Variants in ACOXL observed in about 807,000 individuals in gnomAD.
The protein encoded by ACOXL is acyl-CoA oxidase like, also known as acyl-coenzyme A oxidase-like protein.
A neutral mutation model predicts 71.9 loss-of-function variants in ACOXL; 70 were observed. The observed-to-expected ratio is 0.97, with a 90% CI of 0.80 to 1.19. ACOXL has a LOEUF of 1.19. ACOXL is among the 50% of genes most tolerant of loss of function. The pLI is 0.00. For missense variants in ACOXL, 703 were observed against 736.3 expected (o/e 0.95, Z 0.52); for synonymous variants, 253 against 281.6 (o/e 0.90, Z 1.02).
At chr2:110,746,456 T>C (rs750111647) in intron 1 of ACOXL, among the ~76,000 whole-genome samples, 3 of 152,106 alleles carry the variant, frequency 2.0e-5, no homozygotes, top group Non-Finnish European at 4.4e-5. Context: ...GGAATCGCCA[T>C]GTCCACCTTC....
chr2:111,094,873 G>A (rs983867292), intron 17 of ACOXL, among the ~76,000 whole-genome samples: 4 of 152,066 alleles, frequency 2.6e-5, no homozygotes, highest in African/African-American at 7.2e-5. Context: ...AGGAACAGAC[G>A]GGTAATTGTC....
At chr2:110,822,727 C>A (rs1337929752) in intron 9 of ACOXL, among the ~76,000 whole-genome samples, 1 of 152,150 alleles carries the variant, frequency 6.6e-6, no homozygotes, top group Non-Finnish European at 1.5e-5. Context: ...TGGGTTTTGA[C>A]AAATGTGTAG....
intron 10 of ACOXL, among the ~76,000 whole-genome samples, chr2:110,858,241 A>G (rs1327326209): frequency 1.3e-5 from 2 of 152,134 alleles, no homozygotes; most frequent in Non-Finnish European, 2.9e-5. Context: ...CAGGAAATGG[A>G]GTTTTCTCCA....
At chr2:110,969,972 C>T (rs1036987427) in intron 12 of ACOXL, among the ~76,000 whole-genome samples, 2 of 151,922 alleles carry the variant, frequency 1.3e-5, no homozygotes, top group Non-Finnish European at 2.9e-5. Context: ...GAAACTGAAC[C>T]CTTAATAATA....
chr2:110,975,052 C>T (rs1386681041), intron 12 of ACOXL, among the ~76,000 whole-genome samples: 9 of 152,118 alleles, frequency 5.9e-5, no homozygotes, highest in Non-Finnish European at 1.0e-4. Context: ...ATGTGTGCTG[C>T]GTACCAGCGG....
At chr2:111,059,918 T>A (rs1486661308) in intron 16 of ACOXL, among the ~76,000 whole-genome samples, 1 of 133,852 alleles carries the variant, frequency 7.5e-6, no homozygotes, top group African/African-American at 2.9e-5. Flanking sequence ...GAAGAAAGAG[T>A]AGGAGAAAGA....
intron 14 of ACOXL, among the ~76,000 whole-genome samples, chr2:111,005,470 C>T (rs1354714859): frequency 3.9e-5 from 6 of 152,112 alleles, no homozygotes; most frequent in South Asian, 4.1e-4. Context: ...AAATGACTGC[C>T]GCCCACAGTT....
intron 3 of ACOXL, among the ~76,000 whole-genome samples, chr2:110,787,201 G>A (rs1684069337): frequency 2.0e-5 from 3 of 152,042 alleles, no homozygotes; most frequent in African/African-American, 7.2e-5. Context: ...GAGTATCCTA[G>A]AAGGAAATTG....
chr2:110,976,899 G>A (rs1342485496), intron 12 of ACOXL, among the ~76,000 whole-genome samples: 1 of 152,156 alleles, frequency 6.6e-6, no homozygotes, highest in Non-Finnish European at 1.5e-5. Context: ...ACTAAAGCAT[G>A]ACATGAGAAT....
At chr2:110,864,448 C>CA (rs1186058529) in intron 10 of ACOXL, among the ~76,000 whole-genome samples, 1 of 152,198 alleles carries the variant, frequency 6.6e-6, no homozygotes, top group Admixed American at 6.5e-5. Context: ...ACCAGAAACT[C>CA]AACCATCCAG....
rs76769182 is a variant in ACOXL, at chr2:111,038,901, A to G, written c.1369+7187A>G. Among the ~76,000 whole-genome samples, 674 of 152,330 alleles carry G rather than the reference A, an allele frequency of 4.4e-3. 8 individuals carry two copies. Among genetic ancestry groups the G allele is most frequent in the African/African-American group, 0.016 (646 of 41,560 alleles). ...AAAAACCAAAATGAACTATAGAAAA[A>G]AAACATAGAAAAAGCAACTGTCTGT... On this transcript the variant is annotated intron_variant, in intron 15 of 17. Coordinates refer to ENST00000439055, the MANE Select transcript of ACOXL (RefSeq NM_001142807.4).
At chr2:110,742,556 C>T (rs560784911) in intron 1 of ACOXL, among the ~76,000 whole-genome samples, 2 of 152,292 alleles carry the variant, frequency 1.3e-5, no homozygotes, top group South Asian at 2.1e-4. Context: ...TGGGGCCCTT[C>T]GTCACCACAC....
chr2:111,051,060 CTGTG>C (rs2066267456), intron 16 of ACOXL, among the ~76,000 whole-genome samples: 2 of 152,328 alleles, frequency 1.3e-5, no homozygotes, highest in South Asian at 4.1e-4. Flanking sequence ...TTTCTGCAGA[CTGTG>C]TGGCCTCAGC....
intron 14 of ACOXL, among the ~76,000 whole-genome samples, chr2:111,015,646 C>G (rs1365147908): frequency 6.6e-6 from 1 of 152,152 alleles, no homozygotes; most frequent in Non-Finnish European, 1.5e-5. Context: ...AAAATATATT[C>G]TCACAAAAAG....
At chr2:110,747,109 G>C (rs944062689) in intron 1 of ACOXL, among the ~76,000 whole-genome samples, 2 of 152,122 alleles carry the variant, frequency 1.3e-5, no homozygotes, top group Non-Finnish European at 2.9e-5. Flanking sequence ...ATGAGGAACT[G>C]GGGGAGGGAC....
intron 3 of ACOXL, among the ~76,000 whole-genome samples, chr2:110,785,092 C>T (rs1322223662): frequency 1.3e-5 from 2 of 152,006 alleles, no homozygotes; most frequent in African/African-American, 4.8e-5. Context: ...TATCATAATC[C>T]TTTGTGATTT....
intron 10 of ACOXL, among the ~76,000 whole-genome samples, chr2:110,903,461 G>A (rs1264032378): frequency 1.3e-5 from 2 of 152,218 alleles, no homozygotes; most frequent in African/African-American, 2.4e-5. Flanking sequence ...AGCACTCTGC[G>A]AGCCCGGCTT....
intron 1 of ACOXL, among the ~76,000 whole-genome samples, chr2:110,750,030 A>G (rs971822322): frequency 5.3e-5 from 8 of 152,334 alleles, no homozygotes; most frequent in Admixed American, 1.3e-4. Flanking sequence ...TGAGCATCAC[A>G]TCGTATTAGT....
intron 12 of ACOXL, among the ~76,000 whole-genome samples, chr2:110,936,268 GTTA>G (rs897132404): frequency 2.0e-5 from 3 of 151,840 alleles, no homozygotes; most frequent in Non-Finnish European, 2.9e-5. Flanking sequence ...TACCCGCACT[GTTA>G]TTATTATTAT....
Sources: allele counts gnomAD v4.1 joint callset (sites outside exome capture counted in the v4.1 genomes callset), GRCh38; gene constraint gnomAD v4.1.1; transcripts MANE v1.5; gene names NCBI Gene and HGNC (gene_info 2026-07-23, HGNC 2026-07-21).